KMO: variants seen among roughly 807,000 people sequenced by gnomAD.
KMO encodes the protein kynurenine 3-hydroxylase.
In KMO, 24 loss-of-function variants were observed where a neutral mutation model predicts 57.8. The observed-to-expected ratio is 0.42, with a 90% CI of 0.30 to 0.58. The LOEUF is 0.58. Among genes scored for constraint, KMO ranks in the 20% least tolerant of loss-of-function variants. The probability of loss-of-function intolerance (pLI) is 0.22; values close to 1 mark genes in which losing one functional copy is unlikely to be tolerated. For synonymous variants in KMO, 210 were observed against 193.6 expected, an observed-to-expected ratio of 1.08 and a Z score of -0.70; for missense variants, 483 against 588.2, an observed-to-expected ratio of 0.82 and a Z score of 1.85.
chr1:241,583,797 CTGACCAT>C (rs1450474963), intron 10 of KMO, among the ~76,000 whole-genome samples: 5 of 111,680 alleles, frequency 4.5e-5, no homozygotes, highest in African/African-American at 9.2e-5. Flanking sequence ...GTATATGTGG[CTGACCAT>C]ATAGTATTCT....
intron 11 of KMO, 110 bp from the exon 12 acceptor site, chr1:241,588,637 TA>T: frequency 1.5e-6 from 1 of 670,154 alleles, no homozygotes; most frequent in Non-Finnish European, 2.6e-6. Flanking sequence ...ATTTATAGTT[TA>T]AAAAAATTAG....
At chr1:241,584,305 T>C (rs1438408343) in intron 10 of KMO, among the ~76,000 whole-genome samples, 2 of 152,188 alleles carry the variant, frequency 1.3e-5, no homozygotes, top group Non-Finnish European at 2.9e-5. Context: ...TGAGATACCA[T>C]CTCACACCAG....
At chr1:241,544,675 C>T (rs992612412) in intron 1 of KMO, among the ~76,000 whole-genome samples, 1 of 152,094 alleles carries the variant, frequency 6.6e-6, no homozygotes, top group Non-Finnish European at 1.5e-5. Context: ...TTTTCTAGAA[C>T]TTGACTTATT....
chr1:241,538,043 T>C (rs908772309), intron 1 of KMO, among the ~76,000 whole-genome samples: 3 of 152,100 alleles, frequency 2.0e-5, no homozygotes, highest in Non-Finnish European at 2.9e-5. Context: ...GAGATATTTA[T>C]GGGGTAAAGA....
At chr1:241,552,083 CA>C (rs1661422608) in intron 4 of KMO, among the ~76,000 whole-genome samples, 1 of 151,746 alleles carries the variant, frequency 6.6e-6, no homozygotes, top group East Asian at 1.9e-4. Context: ...AGATACGGTT[CA>C]AATATCAGAA....
chr1:241,555,838 A>C, intron 5 of KMO, 178 bp downstream of exon 5: 1 of 453,452 alleles, frequency 2.2e-6, no homozygotes, highest in African/African-American at 2.0e-5. Context: ...CTGTAATCCC[A>C]GCACTCTGAA....
intron 1 of KMO, among the ~76,000 whole-genome samples, chr1:241,543,236 A>G (rs576820758): frequency 2.6e-5 from 4 of 152,232 alleles, no homozygotes; most frequent in Non-Finnish European, 4.4e-5. Context: ...CATTATGCCA[A>G]GTCTTATTTG....
In KMO at chr1:241,551,008, A is replaced by G; in HGVS notation, c.276A>G (p.Gly92=). 1.9e-6 allele frequency: 3 copies of G among 1,563,882 alleles called. No homozygotes were observed. The highest frequency in any genetic ancestry group is 2.6e-6 in the Non-Finnish European group (3 of 1,158,242). The part of the protein sequence containing the change: ...MRARMIHSLS[G]KKSAIPYGTK... ...CAAGAATGATCCACTCTCTTTCAGG[A>G]AAAAAGTCTGCAATTCCCTATGGGA... is the stretch of plus-strand genomic sequence containing the variant. Residue 92 remains glycine (G), a synonymous_variant, in exon 4 of 15, where the codon GGA becomes GGG. Coordinates refer to ENST00000366559, the MANE Select transcript of KMO (RefSeq NM_003679.5).
At chr1:241,589,115 A>G (rs1020657474) in intron 12 of KMO, among the ~76,000 whole-genome samples, 2 of 152,230 alleles carry the variant, frequency 1.3e-5, no homozygotes, top group Admixed American at 6.5e-5. Flanking sequence ...ATTTAGCAAT[A>G]TGTTACTTTA....
chr1:241,566,165 C>T (rs1303033314), intron 8 of KMO, among the ~76,000 whole-genome samples: 1 of 152,128 alleles, frequency 6.6e-6, no homozygotes, highest in Non-Finnish European at 1.5e-5. Context: ...GAGATTGCCC[C>T]ACAGCACTCC....
Position 241,562,057 on chromosome 1 carries a change from G to A in KMO, c.450-110G>A. ...AAAGCTCCAAGTCAAACATGTGAAA[G>A]TGAGCTTTCTAAGTTATCTATGGAG... On this transcript the variant is annotated intron_variant, in intron 6 of 14. Transcript: ENST00000366559. 9.7e-6 allele frequency: 8 copies of A among 825,556 alleles called. No homozygotes were observed. The South Asian group carries it at 1.4e-4, about 15-fold the overall frequency. 51.1% of individuals were successfully genotyped at this position (825,556 alleles called of 1,614,324 possible). A position where few individuals can be genotyped will look rare whatever the true frequency, so the allele number is the denominator to read the frequency against.
chr1:241,549,299 CAAGA>C (rs996266818), intron 2 of KMO, among the ~76,000 whole-genome samples: 19 of 97,542 alleles, frequency 1.9e-4, no homozygotes, highest in African/African-American at 3.5e-4. Context: ...GGAGAAAGAG[CAAGA>C]AAGAAAGAGA....
intron 14 of KMO, 150 bp downstream of exon 14, chr1:241,590,413 G>A: frequency 3.1e-6 from 2 of 644,486 alleles, no homozygotes; most frequent in Non-Finnish European, 5.4e-6. Flanking sequence ...AGTACAGAGA[G>A]GGAACAGTGC....
intron 10 of KMO, among the ~76,000 whole-genome samples, chr1:241,581,301 T>C (rs577103571): frequency 2.6e-5 from 4 of 152,142 alleles, no homozygotes; most frequent in Non-Finnish European, 5.9e-5. Context: ...GTATTTTTAT[T>C]AGGGAATTTA....
intron 10 of KMO, among the ~76,000 whole-genome samples, chr1:241,583,499 CCTAA>C (rs1344080019): frequency 3.9e-5 from 6 of 152,040 alleles, no homozygotes; most frequent in Non-Finnish European, 8.8e-5. Flanking sequence ...TTAGCTGGTA[CCTAA>C]CTAACTAGTA....
At chr1:241,581,396 C>T (rs1662745766) in intron 10 of KMO, among the ~76,000 whole-genome samples, 1 of 151,904 alleles carries the variant, frequency 6.6e-6, no homozygotes, top group South Asian at 2.1e-4. Context: ...TTTTGTTGGT[C>T]CTCTTCTTCT....
chr1:241,542,879 A>G (rs1029088629), intron 1 of KMO, among the ~76,000 whole-genome samples: 2 of 152,192 alleles, frequency 1.3e-5, no homozygotes, highest in African/African-American at 2.4e-5. Context: ...CCAATTAAGC[A>G]CTTTTTACAG....
At chr1:241,556,168 C>A (rs1483156220) in intron 5 of KMO, among the ~76,000 whole-genome samples, 1 of 152,206 alleles carries the variant, frequency 6.6e-6, no homozygotes, top group Non-Finnish European at 1.5e-5. Context: ...CGAAGTCTTG[C>A]TGTCACCCAG....
chr1:241,588,329 C>CTTTTTTTTTTTTTTTTTTTT (rs57587351), intron 11 of KMO, among the ~76,000 whole-genome samples: 1 of 98,390 alleles, frequency 1.0e-5, no homozygotes, highest in African/African-American at 3.9e-5. Context: ...TCTTTTTTTT[C>CTTTTTTTTTTTTTTTTTTTT]TTTTTTTTTT....
Sources: allele counts gnomAD v4.1 joint callset (sites outside exome capture counted in the v4.1 genomes callset), GRCh38; gene constraint gnomAD v4.1.1; transcripts MANE v1.5; gene names NCBI Gene and HGNC (gene_info 2026-07-23, HGNC 2026-07-21).